Variants in G2E3 observed in about 807,000 individuals in gnomAD.
G2E3 encodes G2/M-phase specific E3 ubiquitin protein ligase, also known as G2/M phase-specific E3 ubiquitin-protein ligase.
In G2E3, 35 loss-of-function variants were observed where a neutral mutation model predicts 92.8. The ratio of observed to expected loss-of-function variants is 0.38; its 90% confidence interval spans 0.29 to 0.50. The LOEUF is 0.50. Ranked by LOEUF, G2E3 falls within the 20% of genes least tolerant of loss-of-function variation. The probability of loss-of-function intolerance (pLI) is 0.94; values close to 1 mark genes in which losing one functional copy is unlikely to be tolerated. For synonymous variants in G2E3, 242 were observed against 272.4 expected (o/e 0.89, Z 1.10); for missense variants, 554 against 823.8 (o/e 0.67, Z 4.01).
chr14:30,596,659 T>C (rs1881307087), intron 6 of G2E3, among the ~76,000 whole-genome samples: 1 of 152,230 alleles, frequency 6.6e-6, no homozygotes, highest in Admixed American at 6.5e-5. Context: ...CTTTCATGTG[T>C]ATACTTAAAA....
chr14:30,615,841 T>G (rs527714319), intron 14 of G2E3, among the ~76,000 whole-genome samples: 1 of 152,270 alleles, frequency 6.6e-6, no homozygotes, highest in African/African-American at 2.4e-5. Flanking sequence ...AATAATCTAT[T>G]TCATCATTTT....
At chr14:30,603,526 A>G (rs757083000) in intron 10 of G2E3, among the ~76,000 whole-genome samples, 30 of 152,188 alleles carry the variant, frequency 2.0e-4, no homozygotes, top group Non-Finnish European at 3.7e-4. Flanking sequence ...GTCGCTAAGC[A>G]TGATGAAATA....
chr14:30,605,871 G>GAAAAAAAGAGAAA, intron 11 of G2E3, 59 bp downstream of exon 11: 2 of 866,754 alleles, frequency 2.3e-6, no homozygotes, highest in Middle Eastern at 5.8e-4. Flanking sequence ...AAAAGAGATA[G>GAAAAAAAGAGAAA]ATAGCTGGTT....
At chr14:30,592,260 TTGA>T in intron 4 of G2E3, 60 bp from the exon 5 acceptor site, 1 of 1,399,924 alleles carries the variant, frequency 7.1e-7, no homozygotes, top group South Asian at 1.2e-5. Flanking sequence ...TATTTATGTC[TTGA>T]TCATATTATA....
In G2E3 at chr14:30,617,397, A is replaced by AT. The variant is rs1882362674; in HGVS notation, c.*865dup. The AT allele has an allele frequency of 1.3e-5, 2 of 151,912 alleles. No homozygotes were observed. Among genetic ancestry groups the AT allele is most frequent in the South Asian group, 4.2e-4 (2 of 4,814 alleles). 9.4% of individuals were successfully genotyped at this position (151,912 alleles called of 1,614,324 possible). A position where few individuals can be genotyped will look rare whatever the true frequency, so the allele number is the denominator to read the frequency against. On this transcript the variant is annotated 3_prime_UTR_variant, in exon 15 of 15. Transcript: ENST00000206595. ...AAAGCCTTGGCTTTAATCATGGGAA[A>AT]TTGTTGTTGTTGTTGTTGTTGTTTG...
intron 1 of G2E3, among the ~76,000 whole-genome samples, chr14:30,564,681 G>A (rs946846899): frequency 1.3e-5 from 2 of 152,128 alleles, no homozygotes; most frequent in Admixed American, 6.5e-5. Flanking sequence ...GTACATTCAC[G>A]ATGTTGTGCA....
intron 8 of G2E3, 93 bp from the exon 9 acceptor site, chr14:30,601,675 GTT>G: frequency 8.6e-7 from 1 of 1,160,752 alleles, no homozygotes; most frequent in East Asian, 2.3e-5. Flanking sequence ...GTGTGTGCGT[GTT>G]TGTGTGTAAG....
chr14:30,571,805 AT>A (rs1323388333), intron 1 of G2E3, among the ~76,000 whole-genome samples: 1 of 152,052 alleles, frequency 6.6e-6, no homozygotes, highest in African/African-American at 2.4e-5. Flanking sequence ...TGAGCTACAC[AT>A]CTGTCTTGAT....
At chr14:30,560,805 G>A (rs1879051998) in intron 1 of G2E3, 1 of 702,090 alleles carries the variant, frequency 1.4e-6, no homozygotes. Flanking sequence ...AGTAGGTCTG[G>A]AGGATGGCAT....
chr14:30,614,229 A>C (rs1054549533), intron 13 of G2E3, among the ~76,000 whole-genome samples: 6 of 149,874 alleles, frequency 4.0e-5, no homozygotes, highest in Admixed American at 3.3e-4. Context: ...CTTTTTAATG[A>C]TAACAGATAA....
chr14:30,613,550 G>A (rs920367310), intron 13 of G2E3, among the ~76,000 whole-genome samples: 4 of 152,082 alleles, frequency 2.6e-5, no homozygotes, highest in Non-Finnish European at 5.9e-5. Context: ...AGGAACCTTT[G>A]TTATTTTTAA....
intron 8 of G2E3, among the ~76,000 whole-genome samples, chr14:30,599,102 C>T (rs1881434057): frequency 6.6e-6 from 1 of 152,140 alleles, no homozygotes; most frequent in Non-Finnish European, 1.5e-5. Context: ...CTAGCTATGT[C>T]CTCACACGAG....
intron 1 of G2E3, among the ~76,000 whole-genome samples, chr14:30,573,184 G>A (rs1879869190): frequency 6.6e-6 from 1 of 151,682 alleles, no homozygotes; most frequent in South Asian, 2.1e-4. Context: ...GTAAATAATT[G>A]ATTCATGAAA....
chr14:30,575,710 C>G (rs992026531), intron 1 of G2E3, among the ~76,000 whole-genome samples: 1 of 152,148 alleles, frequency 6.6e-6, no homozygotes, highest in Non-Finnish European at 1.5e-5. Context: ...CACTAGCATT[C>G]CTATACACCA....
At chr14:30,559,841 C>T (rs1218246733) in intron 1 of G2E3, 1 of 152,106 alleles carries the variant, frequency 6.6e-6, no homozygotes, top group African/African-American at 2.4e-5. Context: ...TTCGAGTGTC[C>T]TTTGTATTTA....
chr14:30,605,998 G>A (rs1228721141), intron 11 of G2E3, among the ~76,000 whole-genome samples, 186 bp downstream of exon 11: 2 of 152,034 alleles, frequency 1.3e-5, no homozygotes, highest in Admixed American at 1.3e-4. Context: ...AAATTTTGTG[G>A]TGAAACATTT....
At chr14:30,563,391 A>G (rs1879233207) in intron 1 of G2E3, among the ~76,000 whole-genome samples, 1 of 152,092 alleles carries the variant, frequency 6.6e-6, no homozygotes, top group South Asian at 2.1e-4. Flanking sequence ...CATACCACTT[A>G]AAGTCCCATA....
At chr14:30,563,970 C>T (rs1879282677) in intron 1 of G2E3, among the ~76,000 whole-genome samples, 1 of 152,198 alleles carries the variant, frequency 6.6e-6, no homozygotes, top group African/African-American at 2.4e-5. Flanking sequence ...CTGCCCGCTT[C>T]AGCCTCCCAA....
rs773885640 is a variant in G2E3, at chr14:30,617,616, TATAA to T, written c.*1088_*1091del. 4 of 152,126 alleles carry T rather than the reference TATAA, an allele frequency of 2.6e-5. No homozygotes were observed. Among genetic ancestry groups the T allele is most frequent in the African/African-American group, 7.2e-5 (3 of 41,444 alleles). 9.4% of individuals were successfully genotyped at this position (152,126 alleles called of 1,614,324 possible). Reference sequence around the variant, plus strand: ...AATGATATCTGTTATATAAGCAATGTATAAATAAAGTAAAAAGGATAGAATGAAA... The same window carrying T: ...AATGATATCTGTTATATAAGCAATGTATAAAGTAAAAAGGATAGAATGAAA... On this transcript the variant is annotated 3_prime_UTR_variant, in exon 15 of 15. Transcript: ENST00000206595.
Sources: gnomAD v4.1 joint callset for allele counts (sites outside exome capture counted in the v4.1 genomes callset) on GRCh38, gnomAD v4.1.1 for gene constraint, MANE v1.5 for transcripts, NCBI Gene and HGNC (gene_info 2026-07-23, HGNC 2026-07-21) for gene names.